The following BFSP1 variants were observed in gnomAD, a reference collection of about 807,000 sequenced individuals.
BFSP1 encodes the protein filensin.
A neutral mutation model predicts 43.9 loss-of-function variants in BFSP1; 38 were observed. The ratio of observed to expected loss-of-function variants is 0.87; its 90% CI spans 0.67 to 1.14. The LOEUF is 1.14. Ranked by LOEUF, BFSP1 falls within the 50% of genes most tolerant of loss-of-function variation. BFSP1 has a pLI of 0.00. For missense variants in BFSP1, 850 were observed against 875.1 expected (o/e 0.97, Z 0.36); for synonymous variants, 352 against 354.8 (o/e 0.99, Z 0.09).
In BFSP1 at chr20:17,513,559, C is replaced by G. The variant is rs192360400; in HGVS notation, c.534+1162G>C. Among the ~76,000 whole-genome samples the G allele has an allele frequency of 2.5e-4, 38 of 152,286 alleles. No individual in the cohort carries two copies. In the East Asian group the frequency reaches 6.6e-3, roughly 26 times the overall value. ...GGCCTCATGGAAAGTTGGAGGGACC[C>G]TGATTGGAGCAGACAGGCCTGGTGT... On this transcript the variant is annotated intron_variant, in intron 3 of 7. Transcript: ENST00000377873.
chr20:17,508,913 C>A lies in BFSP1; in HGVS notation c.711G>T (p.Ala237=), dbSNP rs148646117. 1 of 1,603,104 alleles carries A rather than the reference C, an allele frequency of 6.2e-7. No homozygotes were observed. Among genetic ancestry groups the A allele is most frequent in the East Asian group, 2.3e-5 (1 of 44,170 alleles). The change falls in exon 5 of 8, where the codon GCG becomes GCT. Residue 237 remains alanine, a synonymous_variant. Transcript: ENST00000377873. ...EGREVLSHLQ[A]QRVELQAQTT... is the part of the protein sequence containing the mutation. ...CCTGTGCCTGCAGCTCCACTCTCTG[C>A]GCCTGCAGGTGGGAGAGCACCTCCC...
intron 1 of BFSP1, among the ~76,000 whole-genome samples, chr20:17,544,515 C>T (rs2034770080): frequency 6.6e-6 from 1 of 152,124 alleles, no homozygotes; most frequent in African/African-American, 2.4e-5. Context: ...TTTAATAGAT[C>T]AGCTCTCTAG....
At chr20:17,496,445 G>A (rs2123449555) in intron 7 of BFSP1, among the ~76,000 whole-genome samples, 1 of 152,330 alleles carries the variant, frequency 6.6e-6, no homozygotes, top group African/African-American at 2.4e-5. Flanking sequence ...TGCCTGGTTT[G>A]AGGGAGGGGA....
At chr20:17,505,209 T>G (rs74420760) in intron 5 of BFSP1, among the ~76,000 whole-genome samples, 12 of 152,274 alleles carry the variant, frequency 7.9e-5, no homozygotes, top group African/African-American at 2.9e-4. Flanking sequence ...AAGGAGAGGC[T>G]TCCAGCTTCC....
Position 17,497,471 on chromosome 20 carries a change from CGTATATAT to C in BFSP1, c.957-456_957-449del, listed in dbSNP as rs1568679196. On this transcript the variant is annotated intron_variant, in intron 6 of 7. Coordinates refer to ENST00000377873, the MANE Select transcript of BFSP1 (RefSeq NM_001195.5). ...ATGTATATATATATACACACACACA[CGTATATAT>C]ACGTGTGTATATATATATACACGTA... Among the ~76,000 whole-genome samples the C allele has an allele frequency of 5.3e-4, 76 of 144,554 alleles. 2 individuals are homozygous for C. The highest frequency in any genetic ancestry group is 1.8e-3 in the African/African-American group (71 of 38,820). The allele number at this position is 144,554 out of a possible 152,430, so 94.8% of individuals were successfully genotyped here. A position where few individuals can be genotyped will look rare whatever the true frequency, so the allele number is the denominator to read the frequency against.
intron 6 of BFSP1, among the ~76,000 whole-genome samples, 177 bp downstream of exon 6, chr20:17,498,643 C>T (rs909101835): frequency 2.0e-5 from 3 of 152,228 alleles, no homozygotes; most frequent in Admixed American, 6.5e-5. Context: ...CAGCACTGGT[C>T]GTACCTTCAT....
intron 3 of BFSP1, among the ~76,000 whole-genome samples, chr20:17,513,759 T>C (rs1355168233): frequency 2.0e-5 from 3 of 152,188 alleles, no homozygotes; most frequent in African/African-American, 4.8e-5. Flanking sequence ...CCAGGAAACA[T>C]GACGGGTGGA....
At chr20:17,502,525 G>A (rs890473954) in intron 5 of BFSP1, among the ~76,000 whole-genome samples, 5 of 152,198 alleles carry the variant, frequency 3.3e-5, no homozygotes, top group Non-Finnish European at 5.9e-5. Flanking sequence ...GAAAAAACAC[G>A]CGTGGAGCAA....
chr20:17,511,848 A>G, intron 4 of BFSP1, 128 bp downstream of exon 4: 1 of 646,014 alleles, frequency 1.5e-6, no homozygotes, highest in South Asian at 2.2e-5. Flanking sequence ...AGATGAGAAT[A>G]CAAGGCAGGA....
chr20:17,559,745 G>C (rs989889367), upstream of BFSP1, among the ~76,000 whole-genome samples: 11 of 152,176 alleles, frequency 7.2e-5, no homozygotes, highest in Non-Finnish European at 1.6e-4. Context: ...CACGCTCCTT[G>C]TGAGAATCTA....
At chr20:17,561,012 T>C (rs2035062242), upstream of BFSP1, among the ~76,000 whole-genome samples, 1 of 152,248 alleles carries the variant, frequency 6.6e-6, no homozygotes, top group Non-Finnish European at 1.5e-5. Flanking sequence ...GTGAAATTTC[T>C]AGTCTCTTCA....
At chr20:17,531,467 G>A (rs2034540212), upstream of BFSP1, 6 of 1,168,256 alleles carry the variant, frequency 5.1e-6, no homozygotes, top group Non-Finnish European at 1.1e-6. Context: ...CAGCAGTTGG[G>A]CGCCACGCTG....
At chr20:17,539,785 A>T (rs2034687492) in intron 1 of BFSP1, among the ~76,000 whole-genome samples, 1 of 151,996 alleles carries the variant, frequency 6.6e-6, no homozygotes, top group Non-Finnish European at 1.5e-5. Context: ...GACAAAAATT[A>T]AAAAAAGAAA....
chr20:17,496,471 G>A (rs138291101), intron 7 of BFSP1, among the ~76,000 whole-genome samples: 1 of 152,326 alleles, frequency 6.6e-6, no homozygotes, highest in Non-Finnish European at 1.5e-5. Flanking sequence ...AGAGATGACT[G>A]AGCAGCCACT....
Position 17,531,005 on chromosome 20 carries a change from G to T in BFSP1, c.325C>A (p.Leu109Met). The change falls in exon 1 of 8, where the codon CTG becomes ATG. Residue 109 changes from leucine (L) to methionine (M), a missense_variant. By Grantham distance (15) the Leu-to-Met change is conservative (BLOSUM62 2). Transcript: ENST00000377873. ...VRDLEAERAR[L>M]ERQGTEAQRA... ...TGCGCCTCGGTGCCCTGGCGCTCCAGCCGGGCGCGCTCGGCCTCCAGGTCC... is the reference window on the plus strand; with the variant it reads ...TGCGCCTCGGTGCCCTGGCGCTCCATCCGGGCGCGCTCGGCCTCCAGGTCC... 1 of 1,436,346 alleles carries T rather than the reference G, an allele frequency of 7.0e-7. No individual in the cohort carries two copies. The highest frequency in any genetic ancestry group is 9.1e-7 in the Non-Finnish European group (1 of 1,099,724). The allele number at this position is 1,436,346 out of a possible 1,614,324, so 89.0% of individuals were successfully genotyped here.
At chr20:17,531,383 C>G, upstream of BFSP1, 1 of 1,291,056 alleles carries the variant, frequency 7.7e-7, no homozygotes, top group South Asian at 2.1e-5. Flanking sequence ...CCAGGAGGCC[C>G]CCGGCGCAGC....
In BFSP1 at chr20:17,498,745, C is replaced by T. The variant is rs2033715626; in HGVS notation, c.956+75G>A. The stretch of plus-strand genomic sequence containing the variant: ...CACATGCCCACTGCCTATAACTGTG[C>T]CTGGCACACAATAGGCACTCAATAA... On this transcript the variant is annotated intron_variant, in intron 6 of 7. Transcript: ENST00000377873. 7 of 1,505,538 alleles carry T rather than the reference C, an allele frequency of 4.6e-6. No individual in the cohort carries two copies. In the South Asian group the frequency reaches 7.3e-5, roughly 16 times the overall value. 93.3% of individuals were successfully genotyped at this position (1,505,538 alleles called of 1,614,324 possible). A position where few individuals can be genotyped will look rare whatever the true frequency, so the allele number is the denominator to read the frequency against.
intron 1 of BFSP1, among the ~76,000 whole-genome samples, chr20:17,547,927 T>C (rs1298558020): frequency 1.4e-5 from 2 of 146,532 alleles, no homozygotes; most frequent in Non-Finnish European, 3.0e-5. Flanking sequence ...TTTGTATTTT[T>C]AGTAGAGACA....
chr20:17,557,433 C>T (rs1283748120), intron 1 of BFSP1, among the ~76,000 whole-genome samples: 2 of 152,166 alleles, frequency 1.3e-5, no homozygotes, highest in Non-Finnish European at 2.9e-5. Flanking sequence ...TCTGCAGGAG[C>T]TTACAGAATG....
Sources: allele counts gnomAD v4.1 joint callset (sites outside exome capture counted in the v4.1 genomes callset), GRCh38; gene constraint gnomAD v4.1.1; transcripts MANE v1.5; gene names NCBI Gene and HGNC (gene_info 2026-07-23, HGNC 2026-07-21).